DGKZ: variants seen among roughly 807,000 people sequenced by gnomAD.
The protein encoded by DGKZ is DAG kinase zeta.
Under a neutral mutation model 142.5 loss-of-function variants are expected in DGKZ, and 45 were observed. The observed-to-expected ratio is 0.32, with a 90% CI of 0.25 to 0.40. The LOEUF is 0.40. DGKZ is among the 10% of genes least tolerant of loss of function. DGKZ has a pLI of 1.00. For missense variants in DGKZ, 755 were observed against 1,306.5 expected, an observed-to-expected ratio of 0.58 and a Z score of 6.51; for synonymous variants, 442 against 527.0, an observed-to-expected ratio of 0.84 and a Z score of 2.21.
At chr11:46,379,559 A>G in exon 30 of DGKZ, 1 of 1,609,170 alleles carries the variant, frequency 6.2e-7, no homozygotes, top group Non-Finnish European at 8.5e-7. Flanking sequence ...TCATGAAGAC[A>G]GACCAGCAGG....
At chr11:46,346,183 A>G (rs956657818), upstream of DGKZ, among the ~76,000 whole-genome samples, 1 of 152,216 alleles carries the variant, frequency 6.6e-6, no homozygotes, top group African/African-American at 2.4e-5. Flanking sequence ...TCCGCAGGTC[A>G]CAGCCCTAAG....
At position 46,372,632 on chromosome 11, in the gene DGKZ, C is replaced by A. The variant is rs747885469; in HGVS notation, c.1026C>A (p.Arg342=). 3.7e-6 allele frequency: 6 copies of A among 1,613,604 alleles called. No homozygotes were observed. In the African/African-American group the frequency reaches 8.0e-5, roughly 22 times the overall value. The change falls in exon 12 of 31, where the codon CGC becomes CGA. Residue 342 remains arginine (R), a synonymous_variant. Transcript: ENST00000527911. The surrounding 1 kb of genome is among the most constrained non-coding windows in gnomAD (Gnocchi z 5.9). Reference sequence around the variant, plus strand: ...ATGAGCCCAGGCTGGAGATGTACCGCAAAGTGCACAACCTGCGGATCCTGG... The same window carrying A: ...ATGAGCCCAGGCTGGAGATGTACCGAAAAGTGCACAACCTGCGGATCCTGG...
At chr11:46,340,532 T>C (rs1940228939) in intron 1 of DGKZ, among the ~76,000 whole-genome samples, 1 of 152,248 alleles carries the variant, frequency 6.6e-6, no homozygotes, top group African/African-American at 2.4e-5. Flanking sequence ...GGACCACCTT[T>C]GGCTGCTGGG....
intron 1 of DGKZ, among the ~76,000 whole-genome samples, chr11:46,360,883 G>T (rs1213340006): frequency 6.6e-6 from 1 of 152,206 alleles, no homozygotes; most frequent in Non-Finnish European, 1.5e-5. Context: ...TGGGAGTTGG[G>T]GGGGTGGCAT....
intron 1 of DGKZ, among the ~76,000 whole-genome samples, chr11:46,357,971 TAGTGCCACACCGCA>T (rs1159463822): frequency 6.6e-6 from 1 of 152,174 alleles, no homozygotes; most frequent in African/African-American, 2.4e-5. Flanking sequence ...ACAGGAGGCT[TAGTGCCACACCGCA>T]GGAGCCACGT....
At chr11:46,376,380 A>G (rs1590633415) in exon 23 of DGKZ, 1 of 1,614,038 alleles carries the variant, frequency 6.2e-7, no homozygotes, top group East Asian at 2.2e-5. Flanking sequence ...CTGTCCCCCA[A>G]GTGGTGCTTC....
At chr11:46,350,836 G>A (rs968412180) in intron 1 of DGKZ, among the ~76,000 whole-genome samples, 11 of 151,052 alleles carry the variant, frequency 7.3e-5, no homozygotes, top group Non-Finnish European at 1.2e-4. Context: ...GAATCGGGGG[G>A]TGGCAGCTTG....
chr11:46,365,929 G>A (rs1049569936), intron 1 of DGKZ: 4 of 985,320 alleles, frequency 4.1e-6, no homozygotes, highest in Non-Finnish European at 4.8e-6. Flanking sequence ...GATGGGGGAA[G>A]AAGGGGTAGC....
intron 1 of DGKZ, among the ~76,000 whole-genome samples, chr11:46,336,288 G>A (rs1239534228): frequency 6.6e-6 from 1 of 152,160 alleles, no homozygotes; most frequent in Non-Finnish European, 1.5e-5. Flanking sequence ...GAGAGATGGC[G>A]GGTGTGTGCC....
At chr11:46,376,744 T>G in intron 24 of DGKZ, 180 bp downstream of exon 24, 1 of 859,884 alleles carries the variant, frequency 1.2e-6, no homozygotes, top group Non-Finnish European at 1.8e-6. Context: ...CACTGGAGAG[T>G]ATAGGGCGGT....
At chr11:46,361,053 G>A (rs1453745656) in intron 1 of DGKZ, among the ~76,000 whole-genome samples, 1 of 152,220 alleles carries the variant, frequency 6.6e-6, no homozygotes, top group Non-Finnish European at 1.5e-5. Context: ...TATTCAGTGG[G>A]ACAGTAGTGC....
At chr11:46,361,159 T>C (rs1360603463) in intron 1 of DGKZ, among the ~76,000 whole-genome samples, 1 of 152,260 alleles carries the variant, frequency 6.6e-6, no homozygotes, top group East Asian at 1.9e-4. Context: ...ATTTTTGTGA[T>C]TGTTTTGTCT....
rs1021594976 is a variant in DGKZ, at chr11:46,372,838, C to T, written c.1139C>T (p.Pro380Leu). 2 of 1,600,970 alleles carry T rather than the reference C, an allele frequency of 1.2e-6. No homozygotes were observed. The highest frequency in any genetic ancestry group is 1.7e-6 in the Non-Finnish European group (2 of 1,173,836). ...CCGCCACCCCCTGTTGCCATCCTGC[C>T]CCTGGGTACTGGCAACGACTTGGCC... The change falls in exon 13 of 31, where the codon CCC becomes CTC. Residue 380 changes from proline (P) to leucine (L), a missense_variant. Pro to Leu is a moderately conservative substitution (Grantham distance 98). Coordinates refer to ENST00000527911, the Ensembl canonical transcript of DGKZ. The surrounding 1 kb of genome is among the most constrained non-coding windows in gnomAD (Gnocchi z 5.9).
At chr11:46,345,437 G>A, upstream of DGKZ, 1 of 1,467,352 alleles carries the variant, frequency 6.8e-7, no homozygotes, top group Non-Finnish European at 9.0e-7. The surrounding 1 kb of genome is among the most constrained non-coding windows in gnomAD (Gnocchi z 4.1). Context: ...TGGCCACAGT[G>A]CCGGGGGAAG....
At chr11:46,368,365 A>G in intron 4 of DGKZ, 3 of 455,926 alleles carry the variant, frequency 6.6e-6, no homozygotes, top group South Asian at 2.0e-5. Context: ...CCATTTCACC[A>G]TGTCCAAACT....
intron 1 of DGKZ, among the ~76,000 whole-genome samples, chr11:46,351,356 A>G (rs1481551699): frequency 6.6e-6 from 1 of 152,046 alleles, no homozygotes; most frequent in Non-Finnish European, 1.5e-5. Context: ...GCTCAAAGTC[A>G]CAAGCTCCCA....
chr11:46,377,659 G>A (rs1261295940), intron 25 of DGKZ: 1 of 222,896 alleles, frequency 4.5e-6, no homozygotes, highest in African/African-American at 2.3e-5. Flanking sequence ...CAGCCCTTTG[G>A]ACGTGGATTC....
intron 1 of DGKZ, among the ~76,000 whole-genome samples, chr11:46,350,855 CTTT>C (rs34476722): frequency 8.5e-5 from 12 of 141,266 alleles, no homozygotes; most frequent in Non-Finnish European, 7.7e-5. Context: ...TGCCATCTCC[CTTT>C]TTTTTTTTTT....
At chr11:46,376,919 A>C in intron 24 of DGKZ, 154 bp from the exon 25 acceptor site, 1 of 687,010 alleles carries the variant, frequency 1.5e-6, no homozygotes, top group Non-Finnish European at 2.5e-6. Context: ...AGGAATGGGA[A>C]GGAGTGGGAG....
Sources: allele counts gnomAD v4.1 joint callset (sites outside exome capture counted in the v4.1 genomes callset), GRCh38; gene constraint gnomAD v4.1.1; non-coding constraint Gnocchi (gnomAD v3.1); transcripts MANE v1.5; gene names NCBI Gene and HGNC (gene_info 2026-07-23, HGNC 2026-07-21).